Variants in CPO observed in about 807,000 individuals in gnomAD.
CPO encodes the protein metallocarboxypeptidase C.
A neutral mutation model predicts 41.2 loss-of-function variants in CPO; 43 were observed. The observed-to-expected ratio is 1.04, with a 90% CI of 0.82 to 1.35. CPO has a LOEUF of 1.35. Ranked by LOEUF, CPO falls within the 40% of genes most tolerant of loss-of-function variation. The pLI is 0.00. For synonymous variants in CPO, 178 were observed against 162.7 expected, an observed-to-expected ratio of 1.09 and a Z score of -0.72; for missense variants, 408 against 451.7, an observed-to-expected ratio of 0.90 and a Z score of 0.88.
At chr2:206,951,044 T>G (rs1574349426) in intron 2 of CPO, among the ~76,000 whole-genome samples, 1 of 151,668 alleles carries the variant, frequency 6.6e-6, no homozygotes, top group African/African-American at 2.4e-5. Context: ...CAAACCTGCA[T>G]GTTGTACACA....
chr2:206,942,744 C>G (rs1039136703), intron 1 of CPO, among the ~76,000 whole-genome samples: 19 of 152,198 alleles, frequency 1.2e-4, no homozygotes, highest in Admixed American at 1.1e-3. Flanking sequence ...CAGCTTTTTC[C>G]TCCCCTCTCT....
chr2:206,956,322 ACT>A (rs1438655388), intron 3 of CPO, among the ~76,000 whole-genome samples: 1 of 151,772 alleles, frequency 6.6e-6, no homozygotes, highest in African/African-American at 2.4e-5. Context: ...TACTTCGAAC[ACT>A]CTCTAGGTGA....
At chr2:206,954,769 G>A (rs887544380) in intron 2 of CPO, among the ~76,000 whole-genome samples, 1 of 152,172 alleles carries the variant, frequency 6.6e-6, no homozygotes, top group Non-Finnish European at 1.5e-5. Context: ...CAGCAGGGCT[G>A]GGGAGGCCTC....
chr2:206,952,989 G>A (rs966320731), intron 2 of CPO, among the ~76,000 whole-genome samples: 1 of 152,078 alleles, frequency 6.6e-6, no homozygotes, highest in Admixed American at 6.6e-5. Flanking sequence ...TCACTATCAC[G>A]AGAACAGCTC....
At chr2:206,952,640 A>G (rs1693286680) in intron 2 of CPO, among the ~76,000 whole-genome samples, 1 of 152,218 alleles carries the variant, frequency 6.6e-6, no homozygotes, top group Admixed American at 6.5e-5. Flanking sequence ...GCTGCTATTC[A>G]GGTCTACTCA....
At chr2:206,942,485 T>G (rs1021318725) in intron 1 of CPO, among the ~76,000 whole-genome samples, 2 of 152,166 alleles carry the variant, frequency 1.3e-5, no homozygotes, top group Non-Finnish European at 2.9e-5. Context: ...TAACTATTTC[T>G]TCACCAAGTA....
intron 7 of CPO, among the ~76,000 whole-genome samples, chr2:206,965,267 A>G (rs1693551143): frequency 6.6e-6 from 1 of 152,152 alleles, no homozygotes; most frequent in African/African-American, 2.4e-5. Context: ...CCACACGTCT[A>G]CCTCATTGAA....
Position 206,958,409 on chromosome 2 carries a change from A to G in CPO, c.372+4A>G, listed in dbSNP as rs529761593. On this transcript the variant is annotated splice_donor_region_variant and intron_variant, in intron 4 of 8. Transcript: ENST00000272852. Reference sequence around the variant, plus strand: ...TTGCCAATGGTTCGTCAAAGAAGTAAGTGTCTTTAGCTTTCTCATACTGGT... The same window carrying G: ...TTGCCAATGGTTCGTCAAAGAAGTAGGTGTCTTTAGCTTTCTCATACTGGT... 6.5e-7 allele frequency: 1 copy of G among 1,531,458 alleles called. No individual in the cohort carries two copies. The highest frequency in any genetic ancestry group is 9.0e-7 in the Non-Finnish European group (1 of 1,111,370). The allele number at this position is 1,531,458 out of a possible 1,614,324, so 94.9% of individuals were successfully genotyped here.
chr2:206,955,721 T>C (rs558266540), intron 3 of CPO, among the ~76,000 whole-genome samples, 157 bp downstream of exon 3: 16 of 152,324 alleles, frequency 1.1e-4, no homozygotes, highest in African/African-American at 3.1e-4. Context: ...TCAAAACTCA[T>C]AGATGCTCTT....
intron 2 of CPO, among the ~76,000 whole-genome samples, chr2:206,953,133 T>C (rs1240609087): frequency 2.0e-5 from 3 of 152,210 alleles, no homozygotes; most frequent in Non-Finnish European, 4.4e-5. Context: ...ATTCCACCGC[T>C]GGCCCTTCCC....
intron 2 of CPO, among the ~76,000 whole-genome samples, chr2:206,955,229 CTTAATAACT>C (rs1039001804): frequency 7.2e-5 from 11 of 152,152 alleles, no homozygotes; most frequent in African/African-American, 2.4e-4. Context: ...ACTGTTAATT[CTTAATAACT>C]TATTGGTAAA....
chr2:206,950,315 A>G (rs1162479773), intron 2 of CPO, among the ~76,000 whole-genome samples: 2 of 152,242 alleles, frequency 1.3e-5, no homozygotes, highest in Admixed American at 6.5e-5. Context: ...GAAGACAATT[A>G]TGAAGCCAAC....
rs80354976 is a variant in CPO, at chr2:206,939,761, T to C, written c.68+94T>C. 1.7e-3 allele frequency: 1,671 copies of C among 986,162 alleles called. 51 individuals carry two copies. The East Asian group carries it at 0.038, about 22-fold the overall frequency. 61.1% of individuals were successfully genotyped at this position (986,162 alleles called of 1,614,324 possible). On this transcript the variant is annotated intron_variant, in intron 1 of 8. Transcript: ENST00000272852. ...TAAGACCAATGCAGCTGGCTTCTCC[T>C]TCCTTGCTACTCATATATACCACCA...
chr2:206,959,774 T>G, intron 5 of CPO, 33 bp downstream of exon 5: 1 of 944,182 alleles, frequency 1.1e-6, no homozygotes, highest in Non-Finnish European at 1.7e-6. Context: ...TGGGATGAGT[T>G]CATGAACTAA....
intron 2 of CPO, among the ~76,000 whole-genome samples, chr2:206,952,502 T>G (rs1192125780): frequency 6.6e-6 from 1 of 152,194 alleles, no homozygotes. Flanking sequence ...ATGCTGATGA[T>G]TGTCTGAATA....
Position 206,962,540 on chromosome 2 carries a change from A to G in CPO, c.703A>G (p.Met235Val). ...GGATGATATTTTGTGCTTCCTGACC[A>G]TGCACTCTTATGGGCAGTTAATTCT... ...KKDDILCFLT[M>V]HSYGQLILTP... Residue 235 changes from methionine (M) to valine (V), a missense_variant, in exon 7 of 9, where the codon ATG becomes GTG. Met to Val is a conservative substitution (Grantham distance 21). Transcript: ENST00000272852. 1 of 1,614,170 alleles carries G rather than the reference A, an allele frequency of 6.2e-7. No homozygotes were observed. The highest frequency in any genetic ancestry group is 1.1e-5 in the South Asian group (1 of 91,082).
At chr2:206,954,982 A>G (rs1023060505) in intron 2 of CPO, among the ~76,000 whole-genome samples, 2 of 152,186 alleles carry the variant, frequency 1.3e-5, no homozygotes, top group African/African-American at 2.4e-5. Context: ...CTCCCATGAC[A>G]TGTGGGGATT....
At chr2:206,941,829 A>T (rs1693034706) in intron 1 of CPO, among the ~76,000 whole-genome samples, 1 of 152,130 alleles carries the variant, frequency 6.6e-6, no homozygotes, top group African/African-American at 2.4e-5. Context: ...TTGAGCATTT[A>T]GGGAGGTAAT....
chr2:206,943,727 A>ATGAT (rs1166266892), intron 1 of CPO, among the ~76,000 whole-genome samples: 2 of 121,002 alleles, frequency 1.7e-5, no homozygotes, highest in Non-Finnish European at 3.5e-5. Context: ...TGATGGATAG[A>ATGAT]TGATAGATAG....
Sources: gnomAD v4.1 joint callset for allele counts (sites outside exome capture counted in the v4.1 genomes callset) on GRCh38, gnomAD v4.1.1 for gene constraint, MANE v1.5 for transcripts, NCBI Gene and HGNC (gene_info 2026-07-23, HGNC 2026-07-21) for gene names.